CNBD1: variants seen among roughly 807,000 people sequenced by gnomAD.
CNBD1 encodes the protein cyclic nucleotide binding domain containing 1, also known as cyclic nucleotide-binding domain-containing protein 1.
Under a neutral mutation model 54.4 loss-of-function variants are expected in CNBD1, and 71 were observed. The observed-to-expected ratio is 1.30, with a 90% CI of 1.08 to 1.59. CNBD1 has a LOEUF of 1.59. CNBD1 is among the 40% of genes most tolerant of loss of function. The pLI is 0.00. For missense variants in CNBD1, 659 were observed against 518.0 expected, an observed-to-expected ratio of 1.27 and a Z score of -2.64; for synonymous variants, 182 against 170.7, an observed-to-expected ratio of 1.07 and a Z score of -0.51.
chr8:87,224,487 T>A (rs1180695533), intron 5 of CNBD1, among the ~76,000 whole-genome samples: 2 of 151,164 alleles, frequency 1.3e-5, no homozygotes, highest in Non-Finnish European at 3.0e-5. Context: ...CAGCACCATT[T>A]ATTAAATAGG....
At chr8:86,998,280 C>T (rs1808921949) in intron 4 of CNBD1, among the ~76,000 whole-genome samples, 1 of 151,654 alleles carries the variant, frequency 6.6e-6, no homozygotes, top group African/African-American at 2.4e-5. Flanking sequence ...ATAATTCATG[C>T]CTGAATTAAG....
chr8:87,202,823 G>A (rs1307235439), intron 4 of CNBD1, among the ~76,000 whole-genome samples: 1 of 152,168 alleles, frequency 6.6e-6, no homozygotes, highest in Non-Finnish European at 1.5e-5. Context: ...GAGCATGAGA[G>A]CATGGCTGGC....
At chr8:87,013,121 G>A (rs1776203183) in intron 4 of CNBD1, among the ~76,000 whole-genome samples, 2 of 152,234 alleles carry the variant, frequency 1.3e-5, no homozygotes, top group Admixed American at 6.5e-5. Flanking sequence ...TAAGGTACAA[G>A]CAGGGGCCCA....
At chr8:87,385,755 C>T (rs1347735138), downstream of CNBD1, among the ~76,000 whole-genome samples, 2 of 152,148 alleles carry the variant, frequency 1.3e-5, no homozygotes, top group Non-Finnish European at 2.9e-5. Flanking sequence ...TGTCTGACAG[C>T]TTTGAAGAGA....
At chr8:87,230,166 G>A (rs1814643899) in intron 5 of CNBD1, among the ~76,000 whole-genome samples, 1 of 152,044 alleles carries the variant, frequency 6.6e-6, no homozygotes, top group Non-Finnish European at 1.5e-5. Flanking sequence ...GGGATTTCAT[G>A]AAAAATCTAT....
At chr8:86,876,065 A>G (rs539593321) in intron 1 of CNBD1, among the ~76,000 whole-genome samples, 41 of 152,248 alleles carry the variant, frequency 2.7e-4, no homozygotes, top group Admixed American at 2.5e-3. Flanking sequence ...GCTTCATCAA[A>G]TAAATTTGAA....
At chr8:87,196,300 G>T (rs938565037) in intron 4 of CNBD1, among the ~76,000 whole-genome samples, 2 of 152,156 alleles carry the variant, frequency 1.3e-5, no homozygotes, top group Non-Finnish European at 2.9e-5. Context: ...CAAGAGCAAA[G>T]ATTTTTTGGT....
chr8:87,171,585 C>A (rs1305917289), intron 4 of CNBD1, among the ~76,000 whole-genome samples: 3 of 151,398 alleles, frequency 2.0e-5, no homozygotes, highest in Non-Finnish European at 2.9e-5. Context: ...TTTTCTAGTT[C>A]TTTAAGATAC....
At chr8:87,285,137 T>C (rs1241986069) in intron 7 of CNBD1, among the ~76,000 whole-genome samples, 2 of 152,176 alleles carry the variant, frequency 1.3e-5, no homozygotes, top group Admixed American at 1.3e-4. Flanking sequence ...GTCCGCAGCA[T>C]GTCATATGCT....
At chr8:86,969,123 G>T (rs1362980345) in intron 4 of CNBD1, among the ~76,000 whole-genome samples, 2 of 152,046 alleles carry the variant, frequency 1.3e-5, no homozygotes, top group Non-Finnish European at 2.9e-5. Context: ...GGGGTCCCAA[G>T]ATTTATTTTC....
intron 4 of CNBD1, among the ~76,000 whole-genome samples, chr8:86,985,896 G>A (rs573695641): frequency 6.6e-6 from 1 of 152,122 alleles, no homozygotes; most frequent in East Asian, 1.9e-4. Context: ...TATTATGACT[G>A]GTGTAATATA....
chr8:86,996,903 C>G (rs939000478), intron 4 of CNBD1, among the ~76,000 whole-genome samples: 17 of 152,134 alleles, frequency 1.1e-4, no homozygotes, highest in Non-Finnish European at 2.5e-4. Flanking sequence ...CTTTATAATT[C>G]ATAGATGGTA....
At chr8:87,261,098 A>G (rs1335770196) in intron 6 of CNBD1, among the ~76,000 whole-genome samples, 1 of 152,120 alleles carries the variant, frequency 6.6e-6, no homozygotes, top group Non-Finnish European at 1.5e-5. Context: ...AGAGACCTCT[A>G]ACTAAATTCA....
intron 2 of CNBD1, among the ~76,000 whole-genome samples, chr8:87,416,992 A>T (rs1807847755): frequency 6.6e-6 from 1 of 152,084 alleles, no homozygotes; most frequent in African/African-American, 2.4e-5. Context: ...TGTAATATCA[A>T]GTATTATTTC....
intron 10 of CNBD1, among the ~76,000 whole-genome samples, chr8:87,373,011 T>C (rs1161789649): frequency 1.3e-5 from 2 of 151,810 alleles, no homozygotes; most frequent in East Asian, 1.9e-4. Context: ...ATTACATACT[T>C]ATATGATATT....
chr8:87,301,905 C>A (rs924297835), intron 8 of CNBD1, among the ~76,000 whole-genome samples: 23 of 152,100 alleles, frequency 1.5e-4, no homozygotes, highest in African/African-American at 5.3e-4. Flanking sequence ...GGATAAATTC[C>A]TCGACACATA....
chr8:86,939,978 C>A (rs1001836445), intron 4 of CNBD1, among the ~76,000 whole-genome samples: 10 of 151,888 alleles, frequency 6.6e-5, no homozygotes, highest in African/African-American at 2.4e-4. Flanking sequence ...AAACTTGTGA[C>A]CCATTATTTT....
At chr8:86,890,096 G>A (rs984434779) in intron 2 of CNBD1, among the ~76,000 whole-genome samples, 1 of 151,760 alleles carries the variant, frequency 6.6e-6, no homozygotes, top group Non-Finnish European at 1.5e-5. Flanking sequence ...TTACTTTTTT[G>A]TGATGAGACA....
chr8:86,967,808 T>G (rs1287584537), intron 4 of CNBD1, among the ~76,000 whole-genome samples: 1 of 152,100 alleles, frequency 6.6e-6, no homozygotes, highest in Non-Finnish European at 1.5e-5. Context: ...TCAGTTTTTT[T>G]TTTTTTTTTA....
Sources: gnomAD v4.1 joint callset for allele counts (sites outside exome capture counted in the v4.1 genomes callset) on GRCh38, gnomAD v4.1.1 for gene constraint, MANE v1.5 for transcripts, NCBI Gene and HGNC (gene_info 2026-07-23, HGNC 2026-07-21) for gene names.